The following RTEL1 variants were observed in gnomAD, a reference collection of about 807,000 sequenced individuals.
RTEL1 encodes the protein regulator of telomere length.
Under a neutral mutation model 162.2 loss-of-function variants are expected in RTEL1, and 86 were observed. That is an observed-to-expected ratio of 0.53 (90% CI 0.45 to 0.63). The LOEUF (loss-of-function observed/expected upper bound fraction) is 0.63. RTEL1 is among the 30% of genes least tolerant of loss of function. The pLI, the probability that RTEL1 is intolerant of heterozygous loss-of-function variation, is 0.00. For synonymous variants in RTEL1, 958 were observed against 717.9 expected (o/e 1.33, Z -5.35); for missense variants, 1,941 against 1,750.2 (o/e 1.11, Z -1.95).
rs2090677298 is a variant in RTEL1 at position 63,689,609 on chromosome 20, C to T, written c.1986C>T (p.Phe662=). The T allele has an allele frequency of 6.2e-7, 1 of 1,612,380 alleles. No individual in the cohort carries two copies. The highest frequency in any genetic ancestry group is 8.5e-7 in the Non-Finnish European group (1 of 1,179,716). The stretch of plus-strand genomic sequence containing the variant: ...CCCGGGTTGTCCTCAAGATGCAGTT[C>T]CTGGATGAGATGAAGGGCCAGGGTG... The part of the protein sequence containing the change: ...MDPRVVLKMQ[F]LDEMKGQGGA... Residue 662 remains phenylalanine (F), a synonymous_variant, in exon 23 of 35, where the codon TTC becomes TTT. Coordinates refer to ENST00000360203, the MANE Select transcript of RTEL1 (RefSeq NM_001283009.2).
rs1024771727 is a variant in RTEL1, at chr20:63,666,079, G to A, written c.614G>A (p.Arg205Lys). 1 of 1,613,884 alleles carries A rather than the reference G, an allele frequency of 6.2e-7. No homozygotes were observed. Among genetic ancestry groups the A allele is most frequent in the Non-Finnish European group, 8.5e-7 (1 of 1,179,818 alleles). ...EDLVKSGSKHRVCPYYLSRNL... is the reference protein window; with the variant it reads ...EDLVKSGSKHKVCPYYLSRNL... ...TTGGTCAAGAGCGGAAGCAAGCACA[G>A]GTGAGACCCCTCAGTGAGGCCACGA... Residue 205 changes from arginine (R) to lysine (K), a missense_variant and splice_region_variant, in exon 7 of 35, where the codon AGG (arginine) becomes AAG (lysine). Transcript: ENST00000360203.
chr20:63,682,132 T>G (rs928036081), intron 14 of RTEL1: 1 of 985,326 alleles, frequency 1.0e-6, no homozygotes, highest in Non-Finnish European at 1.2e-6. Context: ...CTCCCACTTA[T>G]GGAGAAGTCT....
Position 63,661,125 on chromosome 20 carries a change from A to C in RTEL1, c.103-173A>C, listed in dbSNP as rs1333989211. 6.6e-6 allele frequency among the ~76,000 whole-genome samples: 1 copy of C among 152,222 alleles called. No individual in the cohort carries two copies. The highest frequency in any genetic ancestry group is 1.9e-4 in the East Asian group (1 of 5,188). On this transcript the variant is annotated intron_variant, in intron 2 of 34. Coordinates refer to ENST00000360203, the MANE Select transcript of RTEL1 (RefSeq NM_001283009.2). The surrounding 1 kb of genome is among the most constrained non-coding windows in gnomAD (Gnocchi z 5.1). ...GTTGCTTCACGCCCTTTAGGGCAAG[A>C]GTGGGACTTGCCTGTGGACTTCTCC...
At chr20:63,678,054 T>C in intron 10 of RTEL1, 91 bp from the exon 11 acceptor site, 4 of 1,479,788 alleles carry the variant, frequency 2.7e-6, no homozygotes, top group Non-Finnish European at 3.8e-6. Flanking sequence ...GTTGGTGTCC[T>C]TTTTTCCATG....
intron 10 of RTEL1, among the ~76,000 whole-genome samples, chr20:63,677,483 C>T (rs1045111294): frequency 1.3e-5 from 2 of 152,162 alleles, no homozygotes; most frequent in South Asian, 2.1e-4. Flanking sequence ...GGCATGGTGG[C>T]GCACACCTAT....
At chr20:63,667,257 G>A (rs1460603031) in intron 7 of RTEL1, among the ~76,000 whole-genome samples, 1 of 151,942 alleles carries the variant, frequency 6.6e-6, no homozygotes, top group Non-Finnish European at 1.5e-5. Flanking sequence ...GGAAACTCAC[G>A]AGGACTCCCC....
At chr20:63,662,375 G>A in intron 4 of RTEL1, 171 bp from the exon 5 acceptor site, 1 of 1,365,816 alleles carries the variant, frequency 7.3e-7, no homozygotes, top group Non-Finnish European at 1.0e-6. Flanking sequence ...CCTCTGTCCA[G>A]TACCCCCGCT....
chr20:63,660,408 T>A (rs1045814075), intron 2 of RTEL1, among the ~76,000 whole-genome samples: 13 of 152,230 alleles, frequency 8.5e-5, no homozygotes, highest in African/African-American at 2.9e-4. Flanking sequence ...GCCCCTGGTT[T>A]ATCGAGACTG....
At position 63,690,407 on chromosome 20, in the gene RTEL1, C is replaced by T. The variant is rs772974885; in HGVS notation, c.2379C>T (p.Asp793=). ...FFSTRKAKSL[D]LHVPSLKQRS... The stretch of plus-strand genomic sequence containing the variant: ...CCACCAGGAAAGCTAAGAGTCTGGA[C>T]CTGCATGTCCCCAGCCTGAAGCAGA... Residue 793 remains aspartate (D), a synonymous_variant, in exon 26 of 35, where the codon GAC becomes GAT. Coordinates refer to ENST00000360203, the MANE Select transcript of RTEL1 (RefSeq NM_001283009.2). 6 of 1,608,258 alleles carry T rather than the reference C, an allele frequency of 3.7e-6. No homozygotes were observed. Among genetic ancestry groups the T allele is most frequent in the Non-Finnish European group, 5.1e-6 (6 of 1,176,970 alleles).
At chr20:63,683,602 T>C (rs754556173) in intron 14 of RTEL1, among the ~76,000 whole-genome samples, 20 of 152,206 alleles carry the variant, frequency 1.3e-4, no homozygotes, top group Non-Finnish European at 2.1e-4. Flanking sequence ...GTTCTCTAGT[T>C]CGGCTTCTCC....
intron 10 of RTEL1, among the ~76,000 whole-genome samples, chr20:63,675,610 C>G (rs974846878): frequency 6.6e-6 from 1 of 152,100 alleles, no homozygotes; most frequent in Non-Finnish European, 1.5e-5. Flanking sequence ...GCCTCCTGGG[C>G]TCATGGGATC....
chr20:63,689,790 G>C lies in RTEL1; in HGVS notation c.2066G>C (p.Arg689Thr). The C allele has an allele frequency of 6.2e-7, 1 of 1,612,230 alleles. No homozygotes were observed. The highest frequency in any genetic ancestry group is 8.5e-7 in the Non-Finnish European group (1 of 1,179,778). Residue 689 changes from arginine to threonine, a missense_variant, in exon 24 of 35, where the codon AGG becomes ACG. Coordinates refer to ENST00000360203, the MANE Select transcript of RTEL1 (RefSeq NM_001283009.2). ...GQEWYRQQAS[R>T]AVNQAIGRVI... The stretch of plus-strand genomic sequence containing the variant: ...GAGTGGTACCGGCAGCAGGCGTCCA[G>C]GGCTGTGAACCAGGCCATCGGGCGA...
Position 63,664,581 on chromosome 20 carries a change from C to T in RTEL1, c.539-1423C>T, listed in dbSNP as rs1410075672. ...CCTGTGGACTCAGACCAGGAAGACA[C>T]AGGCCAGCCCCTGCCTGTCCCCCTT... On this transcript the variant is annotated intron_variant, in intron 6 of 34. Coordinates refer to ENST00000360203, the MANE Select transcript of RTEL1 (RefSeq NM_001283009.2). 5.3e-5 allele frequency among the ~76,000 whole-genome samples: 8 copies of T among 152,346 alleles called. No individual in the cohort carries two copies. The South Asian group carries it at 1.4e-3, about 28-fold the overall frequency.
chr20:63,661,396 C>T lies in RTEL1; in HGVS notation c.201C>T (p.Ile67=). 6.2e-7 allele frequency: 1 copy of T among 1,614,014 alleles called. No homozygotes were observed. The highest frequency in any genetic ancestry group is 1.3e-5 in the African/African-American group (1 of 75,070). The change falls in exon 3 of 35, where the codon ATC becomes ATT. Residue 67 remains isoleucine (I), a synonymous_variant. Coordinates refer to ENST00000360203, the MANE Select transcript of RTEL1 (RefSeq NM_001283009.2). This position sits in a 1 kb window ranked among gnomAD's most constrained non-coding sequence, Gnocchi z 5.1. ...GGCGAGAACACCTCCGAGACGGCAT[C>T]TCTGCCCGCAAGATTGCCGAGAGGG... ...LAWREHLRDG[I]SARKIAERAQ... is the part of the protein sequence containing the mutation.
intron 1 of RTEL1, among the ~76,000 whole-genome samples, chr20:63,658,985 C>T (rs2089965635): frequency 6.6e-6 from 1 of 152,152 alleles, no homozygotes; most frequent in Non-Finnish European, 1.5e-5. Context: ...TTGTGGAAGT[C>T]GCGGAATTAC....
intron 26 of RTEL1, 44 bp downstream of exon 26, chr20:63,690,485 G>GT: frequency 6.9e-7 from 1 of 1,447,932 alleles, no homozygotes; most frequent in Non-Finnish European, 9.2e-7. Flanking sequence ...GGGTGGCGGA[G>GT]CGGGCGGCGT....
rs766197262 is a variant in RTEL1, at chr20:63,678,128, G to A, written c.920-17G>A. The A allele has an allele frequency of 2.0e-5, 32 of 1,614,170 alleles. 1 individual carries two copies. In the South Asian group the frequency reaches 3.3e-4, roughly 17 times the overall value. On this transcript the variant is annotated splice_polypyrimidine_tract_variant and intron_variant, in intron 10 of 34. Transcript: ENST00000360203. ...GAGCGTGATGCAGACTGCCTTTGCT[G>A]CCTTTCTCTTGCCCAGGGCTGAACA...
chr20:63,674,452 G>C (rs2090309337), intron 10 of RTEL1, among the ~76,000 whole-genome samples: 1 of 152,174 alleles, frequency 6.6e-6, no homozygotes. Context: ...TGTAAAACTG[G>C]AAAACTCTAC....
chr20:63,691,944 C>T (rs2090756672), intron 28 of RTEL1, 107 bp downstream of exon 28: 2 of 796,594 alleles, frequency 2.5e-6, no homozygotes, highest in African/African-American at 1.7e-5. Flanking sequence ...AGGGAATCCA[C>T]CCCCAGGAGC....
Sources: gnomAD v4.1 joint callset for allele counts (sites outside exome capture counted in the v4.1 genomes callset) on GRCh38, gnomAD v4.1.1 for gene constraint, Gnocchi (gnomAD v3.1) non-coding constraint, MANE v1.5 for transcripts, NCBI Gene and HGNC (gene_info 2026-07-23, HGNC 2026-07-21) for gene names.